The following ADAP1 variants were observed in gnomAD, a reference collection of about 807,000 sequenced individuals.
The protein encoded by ADAP1 is arf-GAP with dual PH domain-containing protein 1.
Under a neutral mutation model 54.9 loss-of-function variants are expected in ADAP1, and 31 were observed. The ratio of observed to expected loss-of-function variants is 0.56; its 90% confidence interval spans 0.42 to 0.76. ADAP1 has a LOEUF of 0.76. ADAP1 is among the 30% of genes least tolerant of loss of function. The pLI is 0.00. For missense variants in ADAP1, 535 were observed against 512.4 expected (o/e 1.04, Z -0.42); for synonymous variants, 313 against 202.6 (o/e 1.55, Z -4.63).
rs748640948 is a variant in ADAP1, at chr7:947,191, C to A, written c.82+7205G>T. On this transcript the variant is annotated intron_variant, in intron 1 of 10. Transcript: ENST00000265846. The stretch of plus-strand genomic sequence containing the variant: ...AGTAGCTGGGACCACAGGTGTGCAC[C>A]ACCACATCTGGCTGATTTTTTGGTT... Among the ~76,000 whole-genome samples, 675 of 150,304 alleles carry A rather than the reference C, an allele frequency of 4.5e-3. 4 individuals are homozygous for A. Among genetic ancestry groups the A allele is most frequent in the Middle Eastern group, 0.017 (5 of 288 alleles).
intron 6 of ADAP1, among the ~76,000 whole-genome samples, chr7:902,785 G>A (rs1844887482): frequency 6.6e-6 from 1 of 152,144 alleles, no homozygotes; most frequent in Non-Finnish European, 1.5e-5. Flanking sequence ...AGGGACCCTT[G>A]CCAACACACG....
At chr7:928,078 G>C in intron 2 of ADAP1, among the ~76,000 whole-genome samples, 1 of 149,998 alleles carries the variant, frequency 6.7e-6, no homozygotes, top group Non-Finnish European at 1.5e-5. Flanking sequence ...AAATTAGCCA[G>C]GTGTGATGGC....
intron 3 of ADAP1, chr7:923,478 A>G (rs745395902): frequency 6.6e-6 from 1 of 151,874 alleles, no homozygotes; most frequent in South Asian, 2.1e-4. Flanking sequence ...CGACGTCAAG[A>G]TAGAAACTGG....
rs374418011 is a variant in ADAP1 at position 921,385 on chromosome 7, G to A, written c.306-1335C>T. 3.2e-4 allele frequency among the ~76,000 whole-genome samples: 49 copies of A among 152,340 alleles called. No homozygotes were observed. In the South Asian group the frequency reaches 6.6e-3, roughly 21 times the overall value. The stretch of plus-strand genomic sequence containing the variant: ...CTCCCAGGCTGGGGCACAGTGGTGC[G>A]ATCACAGCTCAACGCAGCCTCCAAC... On this transcript the variant is annotated intron_variant, in intron 3 of 10. Transcript: ENST00000265846.
intron 6 of ADAP1, chr7:901,050 G>A (rs553173544): frequency 4.2e-6 from 2 of 472,048 alleles, no homozygotes; most frequent in African/African-American, 4.0e-5. Flanking sequence ...GGTGGGAGAA[G>A]GGAGGCTCAT....
At chr7:944,318 A>C (rs949802491) in intron 1 of ADAP1, among the ~76,000 whole-genome samples, 1 of 146,132 alleles carries the variant, frequency 6.8e-6, no homozygotes, top group African/African-American at 2.6e-5. Flanking sequence ...GCAGTGGTGC[A>C]ATCTTGGCTC....
chr7:949,829 G>A (rs1205048345), intron 1 of ADAP1, among the ~76,000 whole-genome samples: 5 of 152,254 alleles, frequency 3.3e-5, no homozygotes, highest in South Asian at 2.1e-4. Context: ...AAGCGGGCAC[G>A]TGTGACCTGC....
chr7:927,360 G>T, intron 2 of ADAP1: 1 of 749,606 alleles, frequency 1.3e-6, no homozygotes, highest in South Asian at 1.6e-5. Flanking sequence ...CGCCAGCCAG[G>T]TATGGTGAGC....
intron 2 of ADAP1, among the ~76,000 whole-genome samples, chr7:930,544 C>T (rs527647335): frequency 1.3e-4 from 20 of 151,476 alleles, no homozygotes; most frequent in Non-Finnish European, 2.7e-4. Context: ...CCAGGGCTGG[C>T]GCGGTGGCTC....
rs1382896607 is a variant in ADAP1 at position 945,105 on chromosome 7, C to G, written c.82+9291G>C. 1.3e-5 allele frequency among the ~76,000 whole-genome samples: 2 copies of G among 152,104 alleles called. No individual in the cohort carries two copies. Among genetic ancestry groups the G allele is most frequent in the Non-Finnish European group, 2.9e-5 (2 of 68,012 alleles). ...ATGGGGAGCTAGAGTCCCCCAGCTT[C>G]CAGTAAGGAAAAAGCCTGGCTGGTC... On this transcript the variant is annotated intron_variant, in intron 1 of 10. Coordinates refer to ENST00000265846, the MANE Select transcript of ADAP1 (RefSeq NM_006869.4). This position sits in a 1 kb window ranked among gnomAD's most constrained non-coding sequence, Gnocchi z 4.2.
At chr7:954,348 G>GGC in intron 1 of ADAP1, 48 bp downstream of exon 1, 1 of 951,410 alleles carries the variant, frequency 1.1e-6, no homozygotes, top group Non-Finnish European at 1.3e-6. Flanking sequence ...GGCACCCCGC[G>GGC]CCCACCCCGG....
chr7:904,946 G>T (rs879871541), intron 5 of ADAP1, 114 bp downstream of exon 5: 41 of 888,048 alleles, frequency 4.6e-5, no homozygotes, highest in South Asian at 3.4e-4. Flanking sequence ...TCCCCATCGG[G>T]GGGGGCAGCA....
intron 2 of ADAP1, among the ~76,000 whole-genome samples, chr7:933,456 CCAGGGGCAGGGGTCAGTGGTGCTG>C (rs1846646511): frequency 1.3e-5 from 2 of 148,228 alleles, no homozygotes; most frequent in Non-Finnish European, 3.0e-5. Flanking sequence ...CTACTCCCAA[CCAGGGGCAGGGGTCAGTGGTGCTG>C]GAGAGCCGGG....
intron 5 of ADAP1, 130 bp downstream of exon 5, chr7:904,929 TG>T: frequency 1.3e-6 from 1 of 780,690 alleles, no homozygotes; most frequent in Non-Finnish European, 2.1e-6. Context: ...CCGGTTCTCC[TG>T]GAGCGTCCCC....
intron 8 of ADAP1, among the ~76,000 whole-genome samples, chr7:899,700 TC>T (rs1167388371): frequency 3.0e-4 from 46 of 151,750 alleles, no homozygotes; most frequent in Admixed American, 2.9e-3. Context: ...CTCCTCCAGG[TC>T]CCCCAGCCCT....
intron 6 of ADAP1, chr7:900,883 A>AGGCCGGGCCGGGCCGGGCC (rs1554270395): frequency 3.3e-5 from 13 of 393,144 alleles, no homozygotes; most frequent in African/African-American, 2.2e-4. Flanking sequence ...GAAGGGCCGA[A>AGGCCGGGCCGGGCCGGGCC]GGGCCGGGCC....
chr7:900,821 C>A, intron 6 of ADAP1: 1 of 642,736 alleles, frequency 1.6e-6, no homozygotes, highest in Non-Finnish European at 2.9e-6. Flanking sequence ...AGGGGCTGCC[C>A]CTCTGCGGGA....
At chr7:900,698 A>G in intron 6 of ADAP1, 82 bp from the exon 7 acceptor site, 1 of 1,214,760 alleles carries the variant, frequency 8.2e-7, no homozygotes, top group Non-Finnish European at 1.2e-6. Flanking sequence ...GTCCCCACAG[A>G]GGGGCCGCTT....
At chr7:932,154 G>A (rs1408109142) in intron 2 of ADAP1, among the ~76,000 whole-genome samples, 2 of 152,324 alleles carry the variant, frequency 1.3e-5, no homozygotes, top group East Asian at 1.9e-4. Context: ...GAATGGGGAT[G>A]GAATCTCCTT....
Sources: gnomAD v4.1 joint callset for allele counts (sites outside exome capture counted in the v4.1 genomes callset) on GRCh38, gnomAD v4.1.1 for gene constraint, Gnocchi (gnomAD v3.1) non-coding constraint, MANE v1.5 for transcripts, NCBI Gene and HGNC (gene_info 2026-07-23, HGNC 2026-07-21) for gene names.